SORL1: variants seen among roughly 807,000 people sequenced by gnomAD.
SORL1 encodes sortilin-related receptor.
In SORL1, 127 loss-of-function variants were observed where a neutral mutation model predicts 273.7. The observed-to-expected ratio is 0.46, with a 90% confidence interval of 0.40 to 0.54. SORL1 has a LOEUF of 0.54. Ranked by LOEUF, SORL1 falls within the 20% of genes least tolerant of loss-of-function variation. SORL1 has a pLI of 0.00. For synonymous variants in SORL1, 1,031 were observed against 1,067.4 expected (o/e 0.97, Z 0.66); for missense variants, 2,494 against 2,846.1 (o/e 0.88, Z 2.81).
intron 45 of SORL1, 133 bp from the exon 46 acceptor site, chr11:121,624,952 C>A (rs1863773132): frequency 1.7e-6 from 1 of 594,404 alleles, no homozygotes; most frequent in Non-Finnish European, 2.9e-6. Context: ...GTAAAAAGAA[C>A]AAGGAGAAAC....
chr11:121,520,652 T>G lies in SORL1; in HGVS notation c.1212-5T>G. On this transcript the variant is annotated splice_region_variant and splice_polypyrimidine_tract_variant and intron_variant, in intron 8 of 47. Transcript: ENST00000260197. ...GGTTCATAGCTGTTTATTTTCATAT[T>G]GTAGGTATTTTGCAAATGAACCATT... 1 of 1,553,232 alleles carries G rather than the reference T, an allele frequency of 6.4e-7. No homozygotes were observed. Among genetic ancestry groups the G allele is most frequent in the Non-Finnish European group, 8.7e-7 (1 of 1,147,600 alleles).
chr11:121,496,827 A>T, intron 5 of SORL1, 42 bp from the exon 6 acceptor site: 1 of 1,551,070 alleles, frequency 6.4e-7, no homozygotes, highest in Non-Finnish European at 8.8e-7. Flanking sequence ...TCTAGTAATT[A>T]AATGTGCAAA....
At chr11:121,624,740 T>C (rs140416932) in intron 45 of SORL1, among the ~76,000 whole-genome samples, 1 of 152,294 alleles carries the variant, frequency 6.6e-6, no homozygotes, top group East Asian at 1.9e-4. Context: ...CTGTTCAGAT[T>C]CTTGGTGGCA....
chr11:121,472,812 T>C (rs1268945140), intron 2 of SORL1, among the ~76,000 whole-genome samples: 1 of 152,046 alleles, frequency 6.6e-6, no homozygotes, highest in Non-Finnish European at 1.5e-5. Flanking sequence ...AATGCAAAAT[T>C]AGCTGGGTGT....
At chr11:121,562,827 G>A (rs532283099) in intron 21 of SORL1, among the ~76,000 whole-genome samples, 1 of 152,250 alleles carries the variant, frequency 6.6e-6, no homozygotes, top group Non-Finnish European at 1.5e-5. Context: ...TTCTATCTCT[G>A]AAATTGTAAA....
In SORL1 at chr11:121,502,261, G is replaced by A. The variant is rs574159030; in HGVS notation, c.939+5212G>A. Among the ~76,000 whole-genome samples the A allele has an allele frequency of 3.6e-4, 53 of 145,794 alleles. No homozygotes were observed. In the East Asian group the frequency reaches 8.7e-3, roughly 24 times the overall value. ...TGCCATTCTCCTGTCTCAGCCTCCC[G>A]AGTAGCTGGGACTACAGGTGCCCGC... On this transcript the variant is annotated intron_variant, in intron 6 of 47. Coordinates refer to ENST00000260197, the MANE Select transcript of SORL1 (RefSeq NM_003105.6).
chr11:121,514,030 G>C (rs992882010), intron 7 of SORL1, 122 bp from the exon 8 acceptor site: 2 of 1,100,368 alleles, frequency 1.8e-6, no homozygotes, highest in African/African-American at 3.2e-5. Context: ...GGAGCTTCCC[G>C]TGGGCTTTAG....
chr11:121,459,757 C>T (rs1860964373), intron 1 of SORL1, among the ~76,000 whole-genome samples: 1 of 152,222 alleles, frequency 6.6e-6, no homozygotes, highest in Admixed American at 6.5e-5. Context: ...CTGCCCTGCC[C>T]TTTGCTTCCT....
At position 121,621,220 on chromosome 11, in the gene SORL1, A is replaced by G. The variant is rs372784153; in HGVS notation, c.6046A>G (p.Ser2016Gly). The stretch of plus-strand genomic sequence containing the variant: ...ACTGGGGAACATGAGCAAAGATTCC[A>G]GCATAAAAATTACCACAGGTAAGCA... ...VQLGNMSKDSSIKITTVSLSA... is the reference protein window; with the variant it reads ...VQLGNMSKDSGIKITTVSLSA... Residue 2016 changes from serine (S) to glycine (G), a missense_variant, in exon 44 of 48, where the codon AGC becomes GGC. Physicochemically the swap from Ser to Gly is moderately conservative, Grantham distance 56. This residue lies in a region of SORL1 where 1,609 missense variants were observed against 1,816.4 expected (regional missense o/e 0.89). Coordinates refer to ENST00000260197, the MANE Select transcript of SORL1 (RefSeq NM_003105.6). 6.6e-5 allele frequency: 107 copies of G among 1,614,132 alleles called. 1 individual carries two copies. In the South Asian group the frequency reaches 9.4e-4, roughly 14 times the overall value.
rs765631255 is a variant in SORL1, at chr11:121,625,099, CAT to C, written c.6187_6188del (p.Met2063ValfsTer2). 1 of 1,611,258 alleles carries C rather than the reference CAT, an allele frequency of 6.2e-7. No individual in the cohort carries two copies. The highest frequency in any genetic ancestry group is 8.5e-7 in the Non-Finnish European group (1 of 1,177,904). On this transcript the variant is annotated frameshift_variant, in exon 46 of 48. Coordinates refer to ENST00000260197, the MANE Select transcript of SORL1 (RefSeq NM_003105.6). LOFTEE classifies it high-confidence loss of function. ...FNESRGYEIH[M>X]FDSAMNITAY... is the part of the protein sequence containing the mutation. ...TTTGTTTTCAGGGCTATGAGATACA[CAT>C]GTTTGATAGTGCCATGAATATCACA...
Position 121,607,092 on chromosome 11 carries a change from A to G in SORL1, c.5062-94A>G. 2.9e-6 allele frequency: 3 copies of G among 1,030,350 alleles called. No homozygotes were observed. The South Asian group carries it at 4.0e-5, about 14-fold the overall frequency. 63.8% of individuals were successfully genotyped at this position (1,030,350 alleles called of 1,614,324 possible). A position where few individuals can be genotyped will look rare whatever the true frequency, so the allele number is the denominator to read the frequency against. On this transcript the variant is annotated intron_variant, in intron 36 of 47. Coordinates refer to ENST00000260197, the MANE Select transcript of SORL1 (RefSeq NM_003105.6). ...CATCCGTCAGAACATTTTGCTCCTCACCATCTTTTCTCTCCTCCAGCCTCC... is the reference window on the plus strand; with the variant it reads ...CATCCGTCAGAACATTTTGCTCCTCGCCATCTTTTCTCTCCTCCAGCCTCC...
rs557421831 is a variant in SORL1 at position 121,530,756 on chromosome 11, G to A, written c.1597-1708G>A. The stretch of plus-strand genomic sequence containing the variant: ...CCCATCCCTTTCTCCTGTTCTTCTC[G>A]GACTCCAGTTACATATTAGACCTAC... On this transcript the variant is annotated intron_variant, in intron 11 of 47. Coordinates refer to ENST00000260197, the MANE Select transcript of SORL1 (RefSeq NM_003105.6). Among the ~76,000 whole-genome samples the A allele has an allele frequency of 6.0e-5, 9 of 151,166 alleles. No individual in the cohort carries two copies. In the East Asian group the frequency reaches 9.7e-4, roughly 16 times the overall value.
At chr11:121,525,592 T>A (rs1862109513) in intron 11 of SORL1, among the ~76,000 whole-genome samples, 1 of 152,258 alleles carries the variant, frequency 6.6e-6, no homozygotes, top group South Asian at 2.1e-4. Context: ...CAACACTTGG[T>A]ATGATTAGTC....
chr11:121,572,101 CA>C (rs1438050175), intron 23 of SORL1, among the ~76,000 whole-genome samples: 1 of 152,178 alleles, frequency 6.6e-6, no homozygotes, highest in African/African-American at 2.4e-5. Context: ...ACAGTGGAAG[CA>C]GGGAGATACA....
At position 121,557,480 on chromosome 11, in the gene SORL1, G is replaced by T. The variant is rs1862608767; in HGVS notation, c.2663+75G>T. The stretch of plus-strand genomic sequence containing the variant: ...ATAGATTCTCATGGAAACACAGACT[G>T]CGGGACAAAAACTCTGTTTCTCATG... On this transcript the variant is annotated intron_variant, in intron 19 of 47. Transcript: ENST00000260197. 3 of 1,140,088 alleles carry T rather than the reference G, an allele frequency of 2.6e-6. No homozygotes were observed. In the South Asian group the frequency reaches 3.7e-5, roughly 14 times the overall value. The allele number at this position is 1,140,088 out of a possible 1,614,324, so 70.6% of individuals were successfully genotyped here. A position where few individuals can be genotyped will look rare whatever the true frequency, so the allele number is the denominator to read the frequency against.
Position 121,474,811 on chromosome 11 carries a change from C to T in SORL1, c.403-3307C>T, listed in dbSNP as rs147019022. 4.7e-3 allele frequency among the ~76,000 whole-genome samples: 715 copies of T among 152,324 alleles called. 5 individuals are homozygous for T. Among genetic ancestry groups the T allele is most frequent in the African/African-American group, 0.017 (690 of 41,570 alleles). On this transcript the variant is annotated intron_variant, in intron 2 of 47. Coordinates refer to ENST00000260197, the MANE Select transcript of SORL1 (RefSeq NM_003105.6). ...GACAGCTAGAAAGGAAAGCGCAAGT[C>T]GGGGTGGAGCCACCAATCCGCTTGA...
At chr11:121,502,879 A>AT (rs1230688719) in intron 6 of SORL1, among the ~76,000 whole-genome samples, 1 of 150,434 alleles carries the variant, frequency 6.6e-6, no homozygotes, top group African/African-American at 2.5e-5. Flanking sequence ...TTTTTATTTT[A>AT]TTTTTTTGAG....
chr11:121,591,772 G>T (rs139733823), intron 31 of SORL1, among the ~76,000 whole-genome samples: 2 of 152,306 alleles, frequency 1.3e-5, no homozygotes, highest in African/African-American at 4.8e-5. Flanking sequence ...TATAATAGGA[G>T]AACAAATAAT....
intron 8 of SORL1, among the ~76,000 whole-genome samples, chr11:121,519,655 T>C (rs148693199): frequency 3.6e-3 from 554 of 152,296 alleles, no homozygotes; most frequent in African/African-American, 0.013. Flanking sequence ...GATCAGGGTG[T>C]TGGATAATTA....
Sources: gnomAD v4.1 joint callset for allele counts (sites outside exome capture counted in the v4.1 genomes callset) on GRCh38, gnomAD v4.1.1 for gene constraint, gnomAD v4.1.1 regional missense constraint, MANE v1.5 for transcripts, NCBI Gene and HGNC (gene_info 2026-07-23, HGNC 2026-07-21) for gene names.